The following C10orf90 variants were observed in gnomAD, a reference collection of about 807,000 sequenced individuals.
C10orf90 encodes chromosome 10 open reading frame 90, also known as (E2-independent) E3 ubiquitin-conjugating enzyme FATS.
Under a neutral mutation model 62.5 loss-of-function variants are expected in C10orf90, and 56 were observed. The observed-to-expected ratio is 0.90, with a 90% CI of 0.72 to 1.12. The LOEUF is 1.12. Among genes scored for constraint, C10orf90 ranks in the 50% most tolerant of loss-of-function variants. C10orf90 has a pLI of 0.00. For synonymous variants in C10orf90, 386 were observed against 340.4 expected, an observed-to-expected ratio of 1.13 and a Z score of -1.47; for missense variants, 970 against 880.4, an observed-to-expected ratio of 1.10 and a Z score of -1.29.
intron 2 of C10orf90, among the ~76,000 whole-genome samples, chr10:126,588,452 T>A (rs1844917075): frequency 6.6e-6 from 1 of 152,074 alleles, no homozygotes; most frequent in Admixed American, 6.5e-5. Flanking sequence ...GATTGGTGGT[T>A]CCTAGGAAGG....
intron 2 of C10orf90, among the ~76,000 whole-genome samples, chr10:126,639,633 T>G (rs1564904333): frequency 6.6e-6 from 1 of 152,222 alleles, no homozygotes; most frequent in Non-Finnish European, 1.5e-5. Flanking sequence ...CTGGATGAAG[T>G]CTTGTTGCCA....
intron 2 of C10orf90, chr10:126,521,570 A>G (rs1452641023): frequency 7.5e-6 from 6 of 802,454 alleles, no homozygotes; most frequent in Non-Finnish European, 1.1e-5. Context: ...ATTTCTTGTT[A>G]GCAGCAATCG....
intron 7 of C10orf90, among the ~76,000 whole-genome samples, chr10:126,449,985 G>A (rs1476940495): frequency 1.6e-4 from 20 of 124,818 alleles, no homozygotes; most frequent in African/African-American, 5.4e-4. Flanking sequence ...TGACAGAGAC[G>A]CCATCTCAAA....
intron 2 of C10orf90, among the ~76,000 whole-genome samples, chr10:126,532,192 C>T (rs2133956443): frequency 6.6e-6 from 1 of 152,308 alleles, no homozygotes; most frequent in South Asian, 2.1e-4. Context: ...CTCATTGCAT[C>T]TCAGCCTGCC....
intron 4 of C10orf90, among the ~76,000 whole-genome samples, chr10:126,483,938 T>A (rs1861291853): frequency 6.6e-6 from 1 of 152,146 alleles, no homozygotes. Context: ...CACTTACCCA[T>A]CCCACTCATT....
chr10:126,649,527 T>C (rs1281909422), intron 1 of C10orf90, among the ~76,000 whole-genome samples: 1 of 152,088 alleles, frequency 6.6e-6, no homozygotes, highest in Non-Finnish European at 1.5e-5. Context: ...GCATAACACA[T>C]CTTCCTGGTC....
At chr10:126,547,321 T>A (rs1218766347) in intron 2 of C10orf90, among the ~76,000 whole-genome samples, 12 of 148,220 alleles carry the variant, frequency 8.1e-5, no homozygotes, top group Middle Eastern at 3.8e-3. Context: ...CAGGAGGCTG[T>A]GTCAGGAGAA....
At chr10:126,525,472 C>T (rs117523300) in intron 2 of C10orf90, among the ~76,000 whole-genome samples, 5,870 of 152,204 alleles carry the variant, frequency 0.039, 136 homozygotes, top group Non-Finnish European at 0.048. Context: ...CTGAATTGGC[C>T]GGAGCAGAAT....
intron 1 of C10orf90, among the ~76,000 whole-genome samples, chr10:126,660,747 A>C (rs1028551495): frequency 3.9e-5 from 6 of 152,286 alleles, no homozygotes; most frequent in Admixed American, 3.9e-4. Flanking sequence ...TAAAAAACAA[A>C]TACAGATTGT....
chr10:126,472,838 C>T (rs1860651706), intron 4 of C10orf90, among the ~76,000 whole-genome samples: 1 of 151,946 alleles, frequency 6.6e-6, no homozygotes, highest in African/African-American at 2.4e-5. Context: ...GTGTGTGTGT[C>T]TGCGTGTGTG....
rs752201184 is a variant in C10orf90 at position 126,464,941 on chromosome 10, TCTC to T, written c.1577_1579del (p.Gly526del). The T allele has an allele frequency of 3.8e-6, 6 of 1,598,228 alleles. No individual in the cohort carries two copies. The African/African-American group carries it at 4.0e-5, about 11-fold the overall frequency. The stretch of plus-strand genomic sequence containing the variant: ...AGGAGCAGACACAGTCATACATACT[TCTC>T]CTTGTTGCCTCTTGCTGCTTCCAGA... On this transcript the variant is annotated inframe_deletion, in exon 5 of 10. Transcript: ENST00000488181.
chr10:126,448,414 T>C (rs1858947088), intron 7 of C10orf90, among the ~76,000 whole-genome samples: 1 of 152,102 alleles, frequency 6.6e-6, no homozygotes, highest in African/African-American at 2.4e-5. Context: ...AGTAAATGCC[T>C]ACATTAAGAA....
intron 1 of C10orf90, among the ~76,000 whole-genome samples, chr10:126,662,590 C>T (rs571589872): frequency 2.6e-5 from 4 of 152,282 alleles, no homozygotes; most frequent in South Asian, 2.1e-4. Context: ...CCTGTGCCCC[C>T]GTTCAGAAAT....
intron 2 of C10orf90, among the ~76,000 whole-genome samples, chr10:126,589,006 A>T (rs1231239679): frequency 6.6e-6 from 1 of 152,238 alleles, no homozygotes; most frequent in Non-Finnish European, 1.5e-5. Context: ...TTTAGAGAGG[A>T]GCATAACTGA....
intron 2 of C10orf90, among the ~76,000 whole-genome samples, chr10:126,545,096 G>T (rs909402733): frequency 6.6e-6 from 1 of 152,142 alleles, no homozygotes; most frequent in Non-Finnish European, 1.5e-5. Context: ...AGTCATGCAG[G>T]TCATGCGTAA....
chr10:126,512,268 GAGAGAGAA>G (rs1054531370), intron 3 of C10orf90, among the ~76,000 whole-genome samples: 16 of 37,630 alleles, frequency 4.3e-4, no homozygotes, highest in African/African-American at 9.6e-4. Context: ...GGGCGAGAGA[GAGAGAGAA>G]AGAGAGACAG....
chr10:126,440,732 C>T (rs1221342628), intron 7 of C10orf90, among the ~76,000 whole-genome samples: 2 of 152,152 alleles, frequency 1.3e-5, no homozygotes, highest in African/African-American at 4.8e-5. Flanking sequence ...GCAGACAACC[C>T]CCAGTACCAG....
At chr10:126,649,733 C>A (rs377188124) in intron 1 of C10orf90, among the ~76,000 whole-genome samples, 10 of 152,278 alleles carry the variant, frequency 6.6e-5, no homozygotes, top group African/African-American at 1.9e-4. Context: ...TCAACCATAA[C>A]CCCCATGAGA....
intron 2 of C10orf90, among the ~76,000 whole-genome samples, chr10:126,542,993 G>A (rs1295951328): frequency 3.9e-5 from 6 of 152,060 alleles, no homozygotes; most frequent in African/African-American, 1.5e-4. Flanking sequence ...ACTGTCAAAT[G>A]TGTGTTGTTG....
Sources: allele counts gnomAD v4.1 joint callset (sites outside exome capture counted in the v4.1 genomes callset), GRCh38; gene constraint gnomAD v4.1.1; transcripts MANE v1.5; gene names NCBI Gene and HGNC (gene_info 2026-07-23, HGNC 2026-07-21).